The following PIK3CB variants were observed in gnomAD, a reference collection of about 807,000 sequenced individuals.
PIK3CB encodes the protein phosphatidylinositol 4,5-bisphosphate 3-kinase catalytic subunit beta isoform.
In PIK3CB, 39 loss-of-function variants were observed where a neutral mutation model predicts 136.8. The observed-to-expected ratio is 0.29, with a 90% CI of 0.22 to 0.37. The LOEUF (loss-of-function observed/expected upper bound fraction) is 0.37, where lower values mean the gene tolerates loss of function less well. Ranked by LOEUF, PIK3CB falls within the 10% of genes least tolerant of loss-of-function variation. The pLI is 1.00. For synonymous variants in PIK3CB, 428 were observed against 436.6 expected, an observed-to-expected ratio of 0.98 and a Z score of 0.25; for missense variants, 868 against 1,275.4, an observed-to-expected ratio of 0.68 and a Z score of 4.87.
chr3:138,689,474 G>T (rs1257025492), intron 15 of PIK3CB, among the ~76,000 whole-genome samples: 1 of 152,068 alleles, frequency 6.6e-6, no homozygotes, highest in Non-Finnish European at 1.5e-5. Flanking sequence ...TGCATTTTTA[G>T]TAGAGACAGG....
chr3:138,685,704 T>A (rs988084929), intron 16 of PIK3CB, among the ~76,000 whole-genome samples: 1 of 152,190 alleles, frequency 6.6e-6, no homozygotes, highest in Non-Finnish European at 1.5e-5. Flanking sequence ...ATAGACATGC[T>A]ATTTGTTATT....
intron 5 of PIK3CB, 30 bp from the exon 6 acceptor site, chr3:138,737,916 C>G (rs2108655341): frequency 7.1e-7 from 1 of 1,406,360 alleles, no homozygotes; most frequent in African/African-American, 1.4e-5. Flanking sequence ...GGGAAAAAAG[C>G]AGTAAATGTT....
chr3:138,789,012 GT>G (rs1215276576), intron 2 of PIK3CB, among the ~76,000 whole-genome samples: 19 of 136,188 alleles, frequency 1.4e-4, no homozygotes, highest in Admixed American at 2.9e-4. Context: ...ACACCACAGA[GT>G]TTTTTTTTTA....
rs114850391 is a variant in PIK3CB, at chr3:138,823,371, G to A, written c.-122+11324C>T. 8.6e-3 allele frequency among the ~76,000 whole-genome samples: 1,303 copies of A among 151,608 alleles called. 25 individuals are homozygous for A. Among genetic ancestry groups the A allele is most frequent in the African/African-American group, 0.029 (1,178 of 41,332 alleles). ...ATAGTTATTGTATAACTATGAACAC[G>A]TAACTTGTCAGATGTAGTAGTAGAC... On this transcript the variant is annotated intron_variant, in intron 1 of 23. Coordinates refer to ENST00000674063, the MANE Select transcript of PIK3CB (RefSeq NM_006219.3).
At position 138,755,755 on chromosome 3, in the gene PIK3CB, T is replaced by A; in HGVS notation, c.396A>T (p.Lys132Asn). Residue 132 changes from lysine (K) to asparagine (N), a missense_variant and splice_region_variant, in exon 4 of 24, where the codon AAA becomes AAT. Coordinates refer to ENST00000674063, the MANE Select transcript of PIK3CB (RefSeq NM_006219.3). ...CTTTTTTTTTATTTTTTAATTTACC[T>A]TTTCCTATAAGGACTCCAATTTTTG... ...LDSKIGVLIG[K>N]GLHEFDSLKD... 6.8e-7 allele frequency: 1 copy of A among 1,461,454 alleles called. No homozygotes were observed. Among genetic ancestry groups the A allele is most frequent in the Non-Finnish European group, 9.5e-7 (1 of 1,048,780 alleles). 90.5% of individuals were successfully genotyped at this position (1,461,454 alleles called of 1,614,324 possible). A position where few individuals can be genotyped will look rare whatever the true frequency, so the allele number is the denominator to read the frequency against.
intron 12 of PIK3CB, among the ~76,000 whole-genome samples, chr3:138,699,503 C>CA (rs944325035): frequency 7.3e-4 from 103 of 140,346 alleles, no homozygotes; most frequent in African/African-American, 1.0e-3. Context: ...ATACAAAATA[C>CA]AAAAAAAAAA....
At chr3:138,674,138 GAAA>G (rs2043597167) in intron 19 of PIK3CB, among the ~76,000 whole-genome samples, 1 of 151,694 alleles carries the variant, frequency 6.6e-6, no homozygotes, top group African/African-American at 2.4e-5. Context: ...ATGGTGCACT[GAAA>G]AGCTCCAAAA....
intron 12 of PIK3CB, among the ~76,000 whole-genome samples, chr3:138,704,030 C>T (rs2044311917): frequency 1.3e-5 from 2 of 152,132 alleles, no homozygotes; most frequent in Non-Finnish European, 2.9e-5. Flanking sequence ...ATAGAAAATA[C>T]ATGTTAAATA....
In PIK3CB at chr3:138,736,019, C is replaced by G. The variant is rs372371816; in HGVS notation, c.802-1215G>C. Among the ~76,000 whole-genome samples the G allele has an allele frequency of 3.3e-5, 5 of 152,264 alleles. No individual in the cohort carries two copies. The South Asian group carries it at 1.0e-3, about 32-fold the overall frequency. On this transcript the variant is annotated intron_variant, in intron 6 of 23. Transcript: ENST00000674063. ...GTCTAACCCTGCACAAAAACACATA[C>G]ATGCTTCTGTTTTTCTTTATAATAA...
At chr3:138,825,590 T>A (rs546194708) in intron 1 of PIK3CB, 26 of 628,198 alleles carry the variant, frequency 4.1e-5, no homozygotes, top group Non-Finnish European at 5.8e-5. Flanking sequence ...GGATAGAAAG[T>A]CACCCATAAA....
intron 1 of PIK3CB, chr3:138,825,652 C>T (rs1933748101): frequency 1.6e-6 from 1 of 641,362 alleles, no homozygotes; most frequent in East Asian, 2.6e-5. Flanking sequence ...CTGCATCCTA[C>T]CACTAACTCA....
At chr3:138,761,223 A>C (rs1055058253) in intron 2 of PIK3CB, among the ~76,000 whole-genome samples, 3 of 152,208 alleles carry the variant, frequency 2.0e-5, no homozygotes, top group African/African-American at 7.2e-5. Flanking sequence ...ACAAAACTGA[A>C]CTTGAATCTA....
intron 12 of PIK3CB, among the ~76,000 whole-genome samples, chr3:138,703,307 A>G (rs1003347147): frequency 3.9e-5 from 6 of 152,230 alleles, no homozygotes; most frequent in African/African-American, 1.2e-4. Context: ...AGCCTAGGCC[A>G]GACATTTCAC....
intron 10 of PIK3CB, among the ~76,000 whole-genome samples, chr3:138,709,381 T>A (rs1186322885): frequency 6.6e-6 from 1 of 151,952 alleles, no homozygotes; most frequent in Non-Finnish European, 1.5e-5. Flanking sequence ...TATGTAGATA[T>A]GTAGATATGG....
intron 10 of PIK3CB, among the ~76,000 whole-genome samples, chr3:138,709,274 T>G (rs1349645868): frequency 5.3e-5 from 8 of 151,814 alleles, no homozygotes; most frequent in African/African-American, 1.9e-4. Flanking sequence ...CTGTTTGAAC[T>G]ATCAGAACAC....
chr3:138,825,674 A>C (rs56287887), intron 1 of PIK3CB: 1 of 648,970 alleles, frequency 1.5e-6, no homozygotes. Flanking sequence ...CCAACTGACA[A>C]ACCCTTGCAT....
chr3:138,803,008 G>A (rs988201482), intron 1 of PIK3CB, among the ~76,000 whole-genome samples: 1 of 152,144 alleles, frequency 6.6e-6, no homozygotes, highest in Non-Finnish European at 1.5e-5. Context: ...ATGATAAATT[G>A]ACAGCAATGC....
intron 2 of PIK3CB, chr3:138,778,434 C>T (rs933292101): frequency 3.6e-6 from 1 of 277,260 alleles, no homozygotes; most frequent in East Asian, 1.1e-4. Flanking sequence ...CAGAACATCA[C>T]TCCTGTACCT....
At chr3:138,674,589 G>A (rs998530528) in intron 19 of PIK3CB, among the ~76,000 whole-genome samples, 11 of 152,178 alleles carry the variant, frequency 7.2e-5, no homozygotes, top group African/African-American at 2.4e-4. Flanking sequence ...AAAGTGAACA[G>A]TTTTTGGCAA....
Sources: gnomAD v4.1 joint callset for allele counts (sites outside exome capture counted in the v4.1 genomes callset) on GRCh38, gnomAD v4.1.1 for gene constraint, MANE v1.5 for transcripts, NCBI Gene and HGNC (gene_info 2026-07-23, HGNC 2026-07-21) for gene names.